Variants in TACC1 observed in about 807,000 individuals in gnomAD.
TACC1 encodes the protein transforming acidic coiled-coil-containing protein 1.
A neutral mutation model predicts 84.4 loss-of-function variants in TACC1; 48 were observed. The ratio of observed to expected loss-of-function variants is 0.57; its 90% CI spans 0.45 to 0.72. TACC1 has a LOEUF of 0.72. Among genes scored for constraint, TACC1 ranks in the 30% least tolerant of loss-of-function variants. The pLI, the probability that TACC1 is intolerant of heterozygous loss-of-function variation, is 0.00. For missense variants in TACC1, 920 were observed against 973.0 expected (o/e 0.95, Z 0.72); for synonymous variants, 372 against 376.3 (o/e 0.99, Z 0.13).
At position 38,757,259 on chromosome 8, in the gene TACC1, CCCGCCCAGGGTCTGGGCACAGCCGCCCG is replaced by C. The variant is rs1366074589; in HGVS notation, c.26+11775_26+11802del. ...ACCCTTCCTCCCGCCCCACCGCCTCCCCGCCCAGGGTCTGGGCACAGCCGCCCGCCGCCCAGCACAGGAGGGTGCAGCC... is the reference window on the plus strand; with the variant it reads ...ACCCTTCCTCCCGCCCCACCGCCTCCCCGCCCAGCACAGGAGGGTGCAGCC... On this transcript the variant is annotated intron_variant, in intron 3 of 14. Transcript: ENST00000518415. 17 of 1,133,928 alleles carry C rather than the reference CCCGCCCAGGGTCTGGGCACAGCCGCCCG, an allele frequency of 1.5e-5. No individual in the cohort carries two copies. In the African/African-American group the frequency reaches 2.9e-4, roughly 19 times the overall value. The allele number at this position is 1,133,928 out of a possible 1,614,324, so 70.2% of individuals were successfully genotyped here. A position where few individuals can be genotyped will look rare whatever the true frequency, so the allele number is the denominator to read the frequency against.
At chr8:38,787,050 G>A (rs1817325453), upstream of TACC1, among the ~76,000 whole-genome samples, 1 of 151,704 alleles carries the variant, frequency 6.6e-6, no homozygotes, top group African/African-American at 2.4e-5. Flanking sequence ...GCAAGCCCCG[G>A]CCCTCAGTCG....
intron 2 of TACC1, among the ~76,000 whole-genome samples, chr8:38,789,617 G>C (rs942966630): frequency 6.6e-6 from 1 of 152,172 alleles, no homozygotes; most frequent in Non-Finnish European, 1.5e-5. Context: ...ATATGGAGTG[G>C]GGATAGGGAA....
chr8:38,786,432 G>A (rs1374311442), upstream of TACC1, among the ~76,000 whole-genome samples: 2 of 152,320 alleles, frequency 1.3e-5, no homozygotes, highest in East Asian at 1.9e-4. Context: ...GGTCAGGCGC[G>A]GTGTCAGGCC....
chr8:38,841,827 T>G (rs1266279626), intron 9 of TACC1, among the ~76,000 whole-genome samples: 2 of 152,198 alleles, frequency 1.3e-5, no homozygotes, highest in Admixed American at 6.5e-5. Context: ...GCATGGAATT[T>G]AGAGTCTCTT....
intron 2 of TACC1, among the ~76,000 whole-genome samples, chr8:38,742,894 T>C (rs187542674): frequency 1.3e-5 from 2 of 152,288 alleles, no homozygotes; most frequent in Non-Finnish European, 2.9e-5. Context: ...TTTGTATTTT[T>C]ACTAGAGACA....
At chr8:38,847,264 A>G (rs1832491190) in intron 12 of TACC1, among the ~76,000 whole-genome samples, 1 of 152,138 alleles carries the variant, frequency 6.6e-6, no homozygotes, top group Non-Finnish European at 1.5e-5. Flanking sequence ...CACCACTGGG[A>G]GATGCTGCTG....
intron 2 of TACC1, among the ~76,000 whole-genome samples, chr8:38,800,668 G>A (rs558823613): frequency 3.3e-5 from 5 of 152,110 alleles, no homozygotes; most frequent in East Asian, 3.9e-4. Context: ...ATTGGTTGAC[G>A]GACATTTGGG....
intron 8 of TACC1, chr8:38,839,927 A>G (rs1165937785): frequency 1.8e-5 from 4 of 225,632 alleles, no homozygotes; most frequent in Non-Finnish European, 2.6e-5. Context: ...GAATGAATCT[A>G]TTTCCTTGCA....
intron 3 of TACC1, chr8:38,824,001 A>G: frequency 7.4e-7 from 1 of 1,352,024 alleles, no homozygotes; most frequent in Non-Finnish European, 9.8e-7. Flanking sequence ...ACTACTGAAC[A>G]AGTGAAATTT....
At chr8:38,835,440 G>C (rs1365905526) in intron 6 of TACC1, among the ~76,000 whole-genome samples, 1 of 152,240 alleles carries the variant, frequency 6.6e-6, no homozygotes, top group Non-Finnish European at 1.5e-5. Context: ...AGAGGGCGAA[G>C]TGCTGCCAGA....
At chr8:38,762,292 C>T (rs947012220) in intron 3 of TACC1, among the ~76,000 whole-genome samples, 1 of 152,184 alleles carries the variant, frequency 6.6e-6, no homozygotes, top group Non-Finnish European at 1.5e-5. Context: ...CCTCCTTCCC[C>T]CAGCCCCCGG....
At position 38,846,776 on chromosome 8, in the gene TACC1, A is replaced by G; in HGVS notation, c.2306A>G (p.Glu769Gly). The G allele has an allele frequency of 6.2e-7, 1 of 1,614,216 alleles. No homozygotes were observed. The highest frequency in any genetic ancestry group is 8.5e-7 in the Non-Finnish European group (1 of 1,180,030). Residue 769 changes from glutamate (E) to glycine (G), a missense_variant, in exon 12 of 13, where the codon GAG (glutamate) becomes GGG (glycine). Glu to Gly is a moderately conservative substitution (Grantham distance 98). Around this residue, in one of 2 missense-constraint regions of TACC1, gnomAD observed 158 missense variants for 225.6 expected, o/e 0.70. Transcript: ENST00000317827. ...GCTCTCCATGCTGGACTCCGCAAAG[A>G]GCAGATGAAGGTGGAGTCCCTGGAA... The part of the protein sequence containing the change: ...SAALHAGLRK[E>G]QMKVESLERA...
At chr8:38,788,392 A>G in intron 1 of TACC1, 1 of 266,446 alleles carries the variant, frequency 3.8e-6, no homozygotes, top group Non-Finnish European at 7.3e-6. Context: ...CTCTTGTGAC[A>G]AAAGGAGTCT....
Position 38,848,360 on chromosome 8 carries a change from TG to T in TACC1, c.*338del, listed in dbSNP as rs1420809062. The T allele has an allele frequency of 1.6e-5, 3 of 185,694 alleles. No homozygotes were observed. Among genetic ancestry groups the T allele is most frequent in the African/African-American group, 7.0e-5 (3 of 42,564 alleles). 11.5% of individuals were successfully genotyped at this position (185,694 alleles called of 1,614,324 possible). On this transcript the variant is annotated 3_prime_UTR_variant, in exon 13 of 13. Transcript: ENST00000317827. ...TTTACTTTCCCAAATGTGTTAAATTTGTAACTCCTCTTTGGGGTCTTCTCCA... is the reference window on the plus strand; with the variant it reads ...TTTACTTTCCCAAATGTGTTAAATTTTAACTCCTCTTTGGGGTCTTCTCCA...
chr8:38,744,842 C>A (rs973111348), intron 2 of TACC1: 2 of 152,168 alleles, frequency 1.3e-5, no homozygotes, highest in African/African-American at 4.8e-5. Context: ...AATATATGGG[C>A]TTCTGCTTCT....
intron 1 of TACC1, among the ~76,000 whole-genome samples, chr8:38,732,700 T>C (rs1381931918): frequency 6.6e-6 from 1 of 152,208 alleles, no homozygotes; most frequent in Non-Finnish European, 1.5e-5. Context: ...GTGAATACTA[T>C]TATTATCCCC....
intron 8 of TACC1, 83 bp from the exon 9 acceptor site, chr8:38,840,141 T>C: frequency 9.8e-7 from 1 of 1,024,094 alleles, no homozygotes; most frequent in Non-Finnish European, 1.5e-6. Context: ...TGTTAATGTG[T>C]TTAATTGTTT....
intron 12 of TACC1, among the ~76,000 whole-genome samples, chr8:38,847,178 T>C (rs1288462970): frequency 6.6e-6 from 1 of 152,208 alleles, no homozygotes; most frequent in African/African-American, 2.4e-5. Flanking sequence ...ATCAGTGGTT[T>C]GCAGTTGGGG....
At chr8:38,831,735 A>G (rs919903835) in intron 6 of TACC1, among the ~76,000 whole-genome samples, 10 of 151,898 alleles carry the variant, frequency 6.6e-5, no homozygotes, top group African/African-American at 1.7e-4. Flanking sequence ...GGCTCAAGCA[A>G]TCTGCCCACC....
Sources: allele counts gnomAD v4.1 joint callset (sites outside exome capture counted in the v4.1 genomes callset), GRCh38; gene constraint gnomAD v4.1.1; regional missense constraint gnomAD v4.1.1; transcripts MANE v1.5; gene names NCBI Gene and HGNC (gene_info 2026-07-23, HGNC 2026-07-21).